NSRP1: variants seen among roughly 807,000 people sequenced by gnomAD.
NSRP1 encodes coiled-coil domain containing 55.
Under a neutral mutation model 54.7 loss-of-function variants are expected in NSRP1, and 24 were observed. The ratio of observed to expected loss-of-function variants is 0.44; its 90% CI spans 0.32 to 0.62. NSRP1 has a LOEUF of 0.62. NSRP1 is among the 20% of genes least tolerant of loss of function. The probability of loss-of-function intolerance (pLI) is 0.06; values close to 1 mark genes in which losing one functional copy is unlikely to be tolerated. For synonymous variants in NSRP1, 210 were observed against 213.8 expected (o/e 0.98, Z 0.15); for missense variants, 596 against 651.2 (o/e 0.92, Z 0.92).
At chr17:30,127,711 G>A in intron 2 of NSRP1, 1 of 328,672 alleles carries the variant, frequency 3.0e-6, no homozygotes. Context: ...ACTGTAACTG[G>A]CCTAGTTGTT....
At chr17:30,129,589 A>G (rs1412156168) in intron 2 of NSRP1, among the ~76,000 whole-genome samples, 21 of 152,170 alleles carry the variant, frequency 1.4e-4, no homozygotes, top group Admixed American at 1.3e-3. Flanking sequence ...TGGTTTTCCT[A>G]ATGAAAAATT....
chr17:30,118,279 G>GC, intron 2 of NSRP1, 106 bp downstream of exon 2: 1 of 745,242 alleles, frequency 1.3e-6, no homozygotes, highest in Non-Finnish European at 2.2e-6. Flanking sequence ...CAGTACAGTG[G>GC]AGTATAATTT....
chr17:30,121,117 C>T (rs1346244671), intron 2 of NSRP1, among the ~76,000 whole-genome samples: 2 of 152,036 alleles, frequency 1.3e-5, no homozygotes, highest in Non-Finnish European at 1.5e-5. Context: ...GTTGCAGATA[C>T]GGTTGTAACA....
At chr17:30,174,570 TG>T (rs1272276211) in intron 3 of NSRP1, among the ~76,000 whole-genome samples, 1 of 152,228 alleles carries the variant, frequency 6.6e-6, no homozygotes, top group African/African-American at 2.4e-5. Context: ...TCCGTTTCAT[TG>T]GGAAAACTTT....
intron 2 of NSRP1, among the ~76,000 whole-genome samples, chr17:30,165,826 A>T (rs1176929498): frequency 6.6e-6 from 1 of 152,234 alleles, no homozygotes; most frequent in Non-Finnish European, 1.5e-5. Context: ...AAAAGAAAAC[A>T]TATACAGCCT....
chr17:30,170,690 C>T (rs999307119), intron 2 of NSRP1, among the ~76,000 whole-genome samples: 2 of 152,104 alleles, frequency 1.3e-5, no homozygotes, highest in East Asian at 1.9e-4. Context: ...TGTCAATGAA[C>T]AGGTAGATTG....
intron 2 of NSRP1, among the ~76,000 whole-genome samples, chr17:30,155,066 T>A (rs2071948822): frequency 6.6e-6 from 1 of 152,232 alleles, no homozygotes; most frequent in Non-Finnish European, 1.5e-5. Context: ...TTAAAGTTAC[T>A]CCATCTGGGT....
chr17:30,184,286 T>C (rs1334462141), intron 6 of NSRP1, among the ~76,000 whole-genome samples: 2 of 152,228 alleles, frequency 1.3e-5, no homozygotes, highest in Non-Finnish European at 2.9e-5. Context: ...GAACATTTAT[T>C]ACTTTTCCCA....
chr17:30,142,784 A>G (rs2143002021), intron 2 of NSRP1, among the ~76,000 whole-genome samples: 1 of 152,288 alleles, frequency 6.6e-6, no homozygotes, highest in Middle Eastern at 3.4e-3. Flanking sequence ...TTTGTTTTTG[A>G]CTGTCGTATT....
intron 1 of NSRP1, 189 bp from the exon 2 acceptor site, chr17:30,117,891 G>T (rs1487048156): frequency 4.0e-6 from 2 of 505,622 alleles, no homozygotes; most frequent in Non-Finnish European, 7.1e-6. Flanking sequence ...ATCACTTAGA[G>T]TAGTAATTAT....
intron 2 of NSRP1, among the ~76,000 whole-genome samples, chr17:30,151,688 C>T (rs1359544484): frequency 6.7e-6 from 1 of 149,794 alleles, no homozygotes; most frequent in Middle Eastern, 3.3e-3. Flanking sequence ...TACTTAAAAT[C>T]TACATATAGG....
At position 30,185,447 on chromosome 17, in the gene NSRP1, A is replaced by G. The variant is rs141753156; in HGVS notation, c.1450A>G (p.Arg484Gly). 1.1e-4 allele frequency: 182 copies of G among 1,608,338 alleles called. No homozygotes were observed. Among genetic ancestry groups the G allele is most frequent in the Non-Finnish European group, 1.5e-4 (173 of 1,178,694 alleles). Reference sequence around the variant, plus strand: ...GAGAAACATGGCAAAGGACAAAGAAAGAAACCAAGAGAAACCCTCTAATTC... The same window carrying G: ...GAGAAACATGGCAAAGGACAAAGAAGGAAACCAAGAGAAACCCTCTAATTC... ...KMRNMAKDKE[R>G]NQEKPSNSES... The change falls in exon 7 of 7, where the codon AGA (arginine) becomes GGA (glycine). Residue 484 changes from arginine to glycine, a missense_variant. By Grantham distance (125) the Arg-to-Gly change is moderately radical. Transcript: ENST00000247026.
intron 2 of NSRP1, among the ~76,000 whole-genome samples, chr17:30,138,390 AT>A (rs1459277417): frequency 6.6e-6 from 1 of 152,160 alleles, no homozygotes; most frequent in Non-Finnish European, 1.5e-5. Flanking sequence ...TCCCACAGAT[AT>A]GAAAATCTGT....
At chr17:30,166,570 G>A (rs940162304) in intron 2 of NSRP1, among the ~76,000 whole-genome samples, 2 of 152,166 alleles carry the variant, frequency 1.3e-5, no homozygotes, top group African/African-American at 2.4e-5. Context: ...GCAATGCTTA[G>A]TGATCAAGTC....
chr17:30,181,604 T>TG (rs201113236), intron 6 of NSRP1, among the ~76,000 whole-genome samples: 3,746 of 149,232 alleles, frequency 0.025, 81 homozygotes, highest in South Asian at 0.052. Flanking sequence ...GTGGTTTTTT[T>TG]TTTTTGTTTT....
intron 3 of NSRP1, 77 bp from the exon 4 acceptor site, chr17:30,177,994 C>A: frequency 7.0e-7 from 1 of 1,426,804 alleles, no homozygotes; most frequent in South Asian, 1.2e-5. Context: ...ATTTATGAAC[C>A]ATTCTCAAAA....
chr17:30,156,888 A>G (rs192258782), intron 2 of NSRP1, among the ~76,000 whole-genome samples: 1 of 152,090 alleles, frequency 6.6e-6, no homozygotes, highest in African/African-American at 2.4e-5. Context: ...TTGTCAATTC[A>G]TATGTGATGG....
intron 2 of NSRP1, among the ~76,000 whole-genome samples, chr17:30,147,509 G>A (rs1330681459): frequency 6.6e-6 from 1 of 151,832 alleles, no homozygotes; most frequent in Non-Finnish European, 1.5e-5. Context: ...CTGTTGCCCA[G>A]GCTGGAGCGC....
At chr17:30,160,075 T>G (rs557887772) in intron 2 of NSRP1, among the ~76,000 whole-genome samples, 44 of 152,330 alleles carry the variant, frequency 2.9e-4, no homozygotes, top group African/African-American at 9.9e-4. Flanking sequence ...TTTTTGTCTT[T>G]TATTATGTTG....
Sources: allele counts gnomAD v4.1 joint callset (sites outside exome capture counted in the v4.1 genomes callset), GRCh38; gene constraint gnomAD v4.1.1; transcripts MANE v1.5; gene names NCBI Gene and HGNC (gene_info 2026-07-23, HGNC 2026-07-21).